Variants in DNM3 observed in about 807,000 individuals in gnomAD.
DNM3 encodes the protein dynamin 3, also known as dynamin-3.
DNM3 carries 47 observed loss-of-function variants against 101.6 expected under a neutral mutation model. That is an observed-to-expected ratio of 0.46 (90% confidence interval 0.37 to 0.59). DNM3 has a LOEUF of 0.59. Among genes scored for constraint, DNM3 ranks in the 20% least tolerant of loss-of-function variants. DNM3 has a pLI of 0.00. For missense variants in DNM3, 849 were observed against 1,085.7 expected (o/e 0.78, Z 3.06); for synonymous variants, 385 against 387.9 (o/e 0.99, Z 0.09).
chr1:171,877,941 G>T (rs1416432239), intron 1 of DNM3, among the ~76,000 whole-genome samples: 1 of 152,184 alleles, frequency 6.6e-6, no homozygotes, highest in Non-Finnish European at 1.5e-5. Flanking sequence ...CCTTTGTGAA[G>T]ATCTGTACTT....
At chr1:172,324,563 G>A (rs951704934) in intron 17 of DNM3, among the ~76,000 whole-genome samples, 2 of 152,058 alleles carry the variant, frequency 1.3e-5, no homozygotes, top group African/African-American at 4.8e-5. Context: ...GAACTCAGTC[G>A]ACTTATAGTA....
intron 1 of DNM3, among the ~76,000 whole-genome samples, chr1:171,913,792 C>T (rs193126706): frequency 6.6e-6 from 1 of 151,920 alleles, no homozygotes; most frequent in Non-Finnish European, 1.5e-5. Flanking sequence ...TATTTTGGTG[C>T]ACAGATTTTT....
At position 172,099,493 on chromosome 1, in the gene DNM3, G is replaced by A. The variant is rs978971097; in HGVS notation, c.1545+6618G>A. ...AAGTGGCACACATCATTTCTATATCGTTGAACAGAACTTGGTCATTTGGGC... is the reference window on the plus strand; with the variant it reads ...AAGTGGCACACATCATTTCTATATCATTGAACAGAACTTGGTCATTTGGGC... On this transcript the variant is annotated intron_variant, in intron 13 of 20. Coordinates refer to ENST00000627582, the MANE Select transcript of DNM3 (RefSeq NM_015569.5). 1.1e-4 allele frequency among the ~76,000 whole-genome samples: 16 copies of A among 151,936 alleles called. 1 individual carries two copies. The highest frequency in any genetic ancestry group is 6.8e-3 in the Middle Eastern group (2 of 294).
At position 172,120,757 on chromosome 1, in the gene DNM3, C is replaced by T. The variant is rs566932478; in HGVS notation, c.1546-10418C>T. On this transcript the variant is annotated intron_variant, in intron 13 of 20. Coordinates refer to ENST00000627582, the MANE Select transcript of DNM3 (RefSeq NM_015569.5). ...AGGAACCACTTCTTGGCAGCACCAA[C>T]CAGAGTTATAACTTTACATTTATCT... 1.3e-3 allele frequency among the ~76,000 whole-genome samples: 192 copies of T among 152,318 alleles called. 1 individual carries two copies. The highest frequency in any genetic ancestry group is 4.5e-3 in the African/African-American group (185 of 41,568).
chr1:172,245,922 T>G (rs2061935541), intron 14 of DNM3, among the ~76,000 whole-genome samples: 1 of 152,102 alleles, frequency 6.6e-6, no homozygotes, highest in African/African-American at 2.4e-5. Context: ...AAAAAAGGTT[T>G]AATTGACTCA....
intron 1 of DNM3, among the ~76,000 whole-genome samples, chr1:171,881,863 G>T (rs1022132249): frequency 6.6e-6 from 1 of 152,144 alleles, no homozygotes; most frequent in Admixed American, 6.5e-5. Flanking sequence ...TAAGGAGAGG[G>T]TTTTATTAAT....
intron 9 of DNM3, among the ~76,000 whole-genome samples, chr1:172,046,213 T>C (rs2049784911): frequency 6.6e-6 from 1 of 152,134 alleles, no homozygotes; most frequent in Non-Finnish European, 1.5e-5. Context: ...CACCATGGAA[T>C]ACTATGCAGC....
rs927382814 is a variant in DNM3, at chr1:171,955,516, C to G, written c.236-32140C>G. On this transcript the variant is annotated intron_variant, in intron 2 of 20. Coordinates refer to ENST00000627582, the MANE Select transcript of DNM3 (RefSeq NM_015569.5). ...AGGGGAGTCAAAGACTTAAATGGTACAATGTGGTCAATAAAATGATAAAGC... is the reference window on the plus strand; with the variant it reads ...AGGGGAGTCAAAGACTTAAATGGTAGAATGTGGTCAATAAAATGATAAAGC... Among the ~76,000 whole-genome samples the G allele has an allele frequency of 2.6e-5, 4 of 152,036 alleles. No individual in the cohort carries two copies. The East Asian group carries it at 7.7e-4, about 29-fold the overall frequency.
intron 14 of DNM3, among the ~76,000 whole-genome samples, chr1:172,215,045 A>G (rs1201523255): frequency 6.6e-6 from 1 of 152,170 alleles, no homozygotes. Context: ...GGAAATTTCA[A>G]TTATAGATGC....
chr1:172,133,000 A>G, intron 14 of DNM3: 1 of 1,525,910 alleles, frequency 6.6e-7, no homozygotes, highest in Non-Finnish European at 8.8e-7. Context: ...GCTTTCAACC[A>G]CAAATAAAGG....
At chr1:172,406,137 T>C (rs779596812) in intron 20 of DNM3, among the ~76,000 whole-genome samples, 2 of 151,922 alleles carry the variant, frequency 1.3e-5, no homozygotes, top group Non-Finnish European at 2.9e-5. Context: ...GAGTTCAGTG[T>C]GATGACTAAT....
At chr1:172,063,462 A>G (rs1167055598) in intron 10 of DNM3, among the ~76,000 whole-genome samples, 1 of 152,036 alleles carries the variant, frequency 6.6e-6, no homozygotes, top group Non-Finnish European at 1.5e-5. Context: ...ACCCTAAATA[A>G]CACTTACAAC....
rs2064958141 is a variant in DNM3, at chr1:172,308,839, A to G, written c.1881A>G (p.Val627=). The change falls in exon 16 of 21, where the codon GTA becomes GTG. Residue 627 remains valine (V), a splice_region_variant and synonymous_variant. Coordinates refer to ENST00000627582, the MANE Select transcript of DNM3 (RefSeq NM_015569.5). ...LRAGVYPDKS[V]GNNKAENDEN... ...CTGGGGTCTATCCTGACAAATCTGT[A>G]GTAAGTTGGATATATCTCTTATGTA... 6.4e-7 allele frequency: 1 copy of G among 1,565,344 alleles called. No individual in the cohort carries two copies. The highest frequency in any genetic ancestry group is 1.4e-5 in the African/African-American group (1 of 73,774).
intron 14 of DNM3, among the ~76,000 whole-genome samples, chr1:172,211,651 T>C (rs1293110400): frequency 1.3e-5 from 2 of 152,142 alleles, no homozygotes; most frequent in Non-Finnish European, 2.9e-5. Context: ...CTGAATCTGA[T>C]ACATAATGTC....
intron 10 of DNM3, among the ~76,000 whole-genome samples, chr1:172,056,992 T>C (rs2050692214): frequency 6.6e-6 from 1 of 151,852 alleles, no homozygotes; most frequent in Non-Finnish European, 1.5e-5. Flanking sequence ...TACAGAGAAG[T>C]GCTTAAAGGA....
intron 12 of DNM3, among the ~76,000 whole-genome samples, chr1:172,091,643 T>G (rs543176105): frequency 6.6e-6 from 1 of 152,060 alleles, no homozygotes; most frequent in Non-Finnish European, 1.5e-5. Context: ...AGGAGATGAG[T>G]CAAAGAGGCA....
intron 17 of DNM3, among the ~76,000 whole-genome samples, chr1:172,331,125 TC>T (rs2066165359): frequency 6.6e-6 from 1 of 152,172 alleles, no homozygotes; most frequent in South Asian, 2.1e-4. Flanking sequence ...ATGCTCAAAT[TC>T]CATGAGATGA....
At chr1:172,115,228 G>A (rs2055806173) in intron 13 of DNM3, among the ~76,000 whole-genome samples, 1 of 152,050 alleles carries the variant, frequency 6.6e-6, no homozygotes, top group Admixed American at 6.6e-5. Context: ...GTCCTGCAGA[G>A]AGCTCTCATT....
At chr1:172,021,137 A>G (rs1050090621) in intron 4 of DNM3, among the ~76,000 whole-genome samples, 2 of 152,232 alleles carry the variant, frequency 1.3e-5, no homozygotes, top group Non-Finnish European at 2.9e-5. Flanking sequence ...AGCTCCCTAC[A>G]TGCCAGATAG....
Sources: allele counts gnomAD v4.1 joint callset (sites outside exome capture counted in the v4.1 genomes callset), GRCh38; gene constraint gnomAD v4.1.1; transcripts MANE v1.5; gene names NCBI Gene and HGNC (gene_info 2026-07-23, HGNC 2026-07-21).